ABCA13: variants seen among roughly 807,000 people sequenced by gnomAD.
ABCA13 encodes the protein ATP-binding cassette sub-family A member 13.
In ABCA13, 476 loss-of-function variants were observed where a neutral mutation model predicts 478.7. The ratio of observed to expected loss-of-function variants is 0.99; its 90% CI spans 0.92 to 1.07. ABCA13 has a LOEUF of 1.07. Ranked by LOEUF, ABCA13 falls within the 50% of genes least tolerant of loss-of-function variation. The probability of loss-of-function intolerance (pLI) is 0.00; values close to 1 mark genes in which losing one functional copy is unlikely to be tolerated. For synonymous variants in ABCA13, 2,252 were observed against 2,158.9 expected (o/e 1.04, Z -1.20); for missense variants, 6,060 against 5,910.6 (o/e 1.03, Z -0.83).
chr7:48,608,959 G>A (rs1033739111), intron 58 of ABCA13, among the ~76,000 whole-genome samples: 5 of 152,114 alleles, frequency 3.3e-5, no homozygotes, highest in Non-Finnish European at 7.4e-5. Context: ...TGTTGTTGTT[G>A]TTGTTGTTTT....
rs1188978598 is a variant in ABCA13 at position 48,613,855 on chromosome 7, CATT to C, written c.14745-1424_14745-1422del. ...CTATATCTGTATTATAATATATTTT[CATT>C]ATTATAATAATATAATTATAGATTA... On this transcript the variant is annotated intron_variant, in intron 58 of 61. Transcript: ENST00000435803. Among the ~76,000 whole-genome samples, 6 of 147,224 alleles carry C rather than the reference CATT, an allele frequency of 4.1e-5. 2 individuals are homozygous for C. Among genetic ancestry groups the C allele is most frequent in the African/African-American group, 1.5e-4 (6 of 40,672 alleles).
chr7:48,380,048 G>T (rs1184818934), intron 35 of ABCA13, among the ~76,000 whole-genome samples: 1 of 152,082 alleles, frequency 6.6e-6, no homozygotes, highest in Non-Finnish European at 1.5e-5. Context: ...ATATAAGAGG[G>T]TTTTATAGAG....
rs1208011593 is a variant in ABCA13 at position 48,455,194 on chromosome 7, G to A, written c.12723G>A (p.Met4241Ile). The A allele has an allele frequency of 6.3e-7, 1 of 1,593,518 alleles. No homozygotes were observed. Among genetic ancestry groups the A allele is most frequent in the Non-Finnish European group, 8.5e-7 (1 of 1,170,314 alleles). The stretch of plus-strand genomic sequence containing the variant: ...CAGTCCTCTTCGTGGCCTTGGCCAT[G>A]GGCTTGTTCATGGTGAGACCCCTGG... Reference protein sequence around the residue: ...LLPVLFVALAMGLFMVRPLAT... With the variant: ...LLPVLFVALAIGLFMVRPLAT... The change falls in exon 43 of 62, where the codon ATG becomes ATA. Residue 4241 changes from methionine to isoleucine, a missense_variant. Coordinates refer to ENST00000435803, the MANE Select transcript of ABCA13 (RefSeq NM_152701.5).
rs144799090 is a variant in ABCA13 at position 48,219,666 on chromosome 7, G to T, written c.439+161G>T. ...ATGAGGCCAGCACCTGCAGACGGTT[G>T]TGGAGGGTGGAGCTGGATTCTCTCT... is the stretch of plus-strand genomic sequence containing the variant. On this transcript the variant is annotated intron_variant, in intron 4 of 61. Transcript: ENST00000435803. Among the ~76,000 whole-genome samples the T allele has an allele frequency of 5.2e-4, 79 of 152,272 alleles. 1 individual carries two copies. In the East Asian group the frequency reaches 0.014, roughly 28 times the overall value.
chr7:48,390,438 G>A (rs1221655602), intron 37 of ABCA13, among the ~76,000 whole-genome samples: 1 of 152,160 alleles, frequency 6.6e-6, no homozygotes, highest in Non-Finnish European at 1.5e-5. Flanking sequence ...CCCCCAGATA[G>A]GTTTGAAAAT....
intron 20 of ABCA13, among the ~76,000 whole-genome samples, chr7:48,294,406 C>T: frequency 6.6e-6 from 1 of 151,024 alleles, no homozygotes; most frequent in East Asian, 1.9e-4. Flanking sequence ...AACCACCACC[C>T]TATGCTTTGT....
chr7:48,639,801 G>A lies in ABCA13; in HGVS notation c.14838-3487G>A, dbSNP rs1449750336. Among the ~76,000 whole-genome samples the A allele has an allele frequency of 2.0e-5, 3 of 152,216 alleles. No individual in the cohort carries two copies. In the South Asian group the frequency reaches 6.2e-4, roughly 32 times the overall value. ...AAGAATTTTATGCGTTTAATTTTTA[G>A]AGGCAATGTGACAAAAAGTTCCTAA... is the stretch of plus-strand genomic sequence containing the variant. On this transcript the variant is annotated intron_variant, in intron 59 of 61. Transcript: ENST00000435803.
chr7:48,304,183 G>A (rs1272930944), intron 23 of ABCA13, among the ~76,000 whole-genome samples: 1 of 152,082 alleles, frequency 6.6e-6, no homozygotes, highest in Non-Finnish European at 1.5e-5. Context: ...AATAAAACCT[G>A]GATAGTTTTT....
At chr7:48,430,652 C>T (rs966056074) in intron 42 of ABCA13, among the ~76,000 whole-genome samples, 24 of 136,392 alleles carry the variant, frequency 1.8e-4, no homozygotes, top group African/African-American at 2.0e-4. Context: ...CTACCCTGGG[C>T]GACAGAGCAA....
chr7:48,531,706 A>G lies in ABCA13; in HGVS notation c.14354+3361A>G, dbSNP rs570300952. 5.2e-4 allele frequency among the ~76,000 whole-genome samples: 61 copies of G among 116,554 alleles called. 1 individual carries two copies. The highest frequency in any genetic ancestry group is 1.8e-3 in the African/African-American group (59 of 32,172). 76.5% of individuals were successfully genotyped at this position (116,554 alleles called of 152,430 possible). Reference sequence around the variant, plus strand: ...TTACTTTTCCTTGTAGAGGTCTTTCACCTCCTTGTTTAGGTATATTCCTAA... The same window carrying G: ...TTACTTTTCCTTGTAGAGGTCTTTCGCCTCCTTGTTTAGGTATATTCCTAA... On this transcript the variant is annotated intron_variant, in intron 55 of 61. Coordinates refer to ENST00000435803, the MANE Select transcript of ABCA13 (RefSeq NM_152701.5).
At chr7:48,414,758 G>A (rs1819746169) in intron 41 of ABCA13, among the ~76,000 whole-genome samples, 1 of 152,048 alleles carries the variant, frequency 6.6e-6, no homozygotes, top group South Asian at 2.1e-4. Flanking sequence ...GTGTGCCACT[G>A]CATCTGGCAC....
At chr7:48,504,321 T>C (rs1490841380) in intron 48 of ABCA13, among the ~76,000 whole-genome samples, 1 of 152,096 alleles carries the variant, frequency 6.6e-6, no homozygotes, top group East Asian at 1.9e-4. Flanking sequence ...TCTCTAGGCT[T>C]TCTGGGTGAG....
At chr7:48,572,801 A>G (rs1005383578) in intron 55 of ABCA13, among the ~76,000 whole-genome samples, 1 of 152,192 alleles carries the variant, frequency 6.6e-6, no homozygotes, top group East Asian at 1.9e-4. Context: ...AGAATAGTGT[A>G]TGATCCATGT....
chr7:48,212,945 C>T (rs1173893457), intron 3 of ABCA13, among the ~76,000 whole-genome samples: 2 of 151,756 alleles, frequency 1.3e-5, no homozygotes. Flanking sequence ...TCACTTTTTT[C>T]TATTTTGAGT....
intron 55 of ABCA13, among the ~76,000 whole-genome samples, chr7:48,579,382 T>C (rs997203658): frequency 1.3e-5 from 2 of 152,228 alleles, no homozygotes; most frequent in East Asian, 1.9e-4. Context: ...CTCAACATCA[T>C]ATGTCATTGG....
At chr7:48,379,083 C>T (rs1056337644) in intron 35 of ABCA13, among the ~76,000 whole-genome samples, 6 of 152,204 alleles carry the variant, frequency 3.9e-5, no homozygotes, top group Admixed American at 2.6e-4. Flanking sequence ...AATCAAAGCT[C>T]GCACATATTT....
At chr7:48,582,883 GC>G in intron 56 of ABCA13, among the ~76,000 whole-genome samples, 1 of 152,238 alleles carries the variant, frequency 6.6e-6, no homozygotes, top group South Asian at 2.1e-4. Flanking sequence ...ACATATTTGA[GC>G]CTCAATTTAA....
intron 10 of ABCA13, among the ~76,000 whole-genome samples, chr7:48,243,567 G>A (rs776271374): frequency 6.6e-6 from 1 of 152,180 alleles, no homozygotes; most frequent in Non-Finnish European, 1.5e-5. Context: ...GTTCCTGCTG[G>A]TGTCTTGTAG....
At position 48,279,170 on chromosome 7, in the gene ABCA13, T is replaced by G. The variant is rs1288798561; in HGVS notation, c.7976T>G (p.Phe2659Cys). 3 of 1,601,618 alleles carry G rather than the reference T, an allele frequency of 1.9e-6. No homozygotes were observed. The African/African-American group carries it at 4.0e-5, about 21-fold the overall frequency. ...GATATGAGGAGTCTTGCGGTAGCAT[T>G]TAACAATGAGACTCAAACATTTTCT... Reference protein sequence around the residue: ...LEDMRSLAVAFNNETQTFSMD... With the variant: ...LEDMRSLAVACNNETQTFSMD... The change falls in exon 18 of 62, where the codon TTT (phenylalanine) becomes TGT (cysteine). Residue 2659 changes from phenylalanine (F) to cysteine (C), a missense_variant. Around this residue, in one of 3 missense-constraint regions of ABCA13, gnomAD observed 4,423 missense variants for 4,309.1 expected, o/e 1.03. Transcript: ENST00000435803.
Sources: gnomAD v4.1 joint callset for allele counts (sites outside exome capture counted in the v4.1 genomes callset) on GRCh38, gnomAD v4.1.1 for gene constraint, gnomAD v4.1.1 regional missense constraint, MANE v1.5 for transcripts, NCBI Gene and HGNC (gene_info 2026-07-23, HGNC 2026-07-21) for gene names.